Variants in EIF4G3 observed in about 807,000 individuals in gnomAD.
EIF4G3 encodes eIF-4-gamma 3.
A neutral mutation model predicts 186.4 loss-of-function variants in EIF4G3; 34 were observed. That is an observed-to-expected ratio of 0.18 (90% CI 0.14 to 0.24). EIF4G3 has a LOEUF of 0.24. Among genes scored for constraint, EIF4G3 ranks in the 10% least tolerant of loss-of-function variants. The probability of loss-of-function intolerance (pLI) is 1.00; values close to 1 mark genes in which losing one functional copy is unlikely to be tolerated. For missense variants in EIF4G3, 1,536 were observed against 1,948.5 expected, an observed-to-expected ratio of 0.79 and a Z score of 3.99; for synonymous variants, 673 against 679.5, an observed-to-expected ratio of 0.99 and a Z score of 0.15.
intron 7 of EIF4G3, among the ~76,000 whole-genome samples, chr1:20,994,628 C>CTTTTTTT (rs3081939): frequency 4.3e-4 from 54 of 124,452 alleles, no homozygotes; most frequent in African/African-American, 6.0e-4. Context: ...AACATATATA[C>CTTTTTTT]TTTTTTTTTT....
chr1:20,930,843 C>T (rs1253953182), intron 14 of EIF4G3, among the ~76,000 whole-genome samples: 2 of 152,138 alleles, frequency 1.3e-5, no homozygotes, highest in East Asian at 3.9e-4. Context: ...ATATATTAAC[C>T]TCCTTGTCCC....
At chr1:20,864,434 C>G in intron 22 of EIF4G3, 42 bp downstream of exon 22, 1 of 1,441,548 alleles carries the variant, frequency 6.9e-7, no homozygotes. Flanking sequence ...TTGCAACTGA[C>G]AAGGAGCCTT....
chr1:20,942,391 G>A, intron 13 of EIF4G3, 61 bp from the exon 14 acceptor site: 1 of 1,487,064 alleles, frequency 6.7e-7, no homozygotes, highest in Non-Finnish European at 9.0e-7. Flanking sequence ...ATATTGCCTT[G>A]GGCCAATTCT....
intron 32 of EIF4G3, 33 bp downstream of exon 32, chr1:20,827,584 A>C (rs2063957456): frequency 7.3e-7 from 1 of 1,369,838 alleles, no homozygotes; most frequent in Non-Finnish European, 1.0e-6. Flanking sequence ...TCCTAATAAT[A>C]CTGTTGAGTC....
intron 3 of EIF4G3, among the ~76,000 whole-genome samples, chr1:21,086,857 T>C (rs1031545537): frequency 6.6e-6 from 1 of 151,636 alleles, no homozygotes; most frequent in Non-Finnish European, 1.5e-5. Flanking sequence ...GGAGAATCAC[T>C]TGAACCAGGA....
chr1:21,028,686 A>G (rs967204962), intron 4 of EIF4G3, among the ~76,000 whole-genome samples: 4 of 152,236 alleles, frequency 2.6e-5, no homozygotes, highest in African/African-American at 9.6e-5. Context: ...GACAAGGTGA[A>G]GCAGAGCTAC....
At chr1:20,908,274 T>C (rs1193892100) in intron 14 of EIF4G3, among the ~76,000 whole-genome samples, 1 of 152,230 alleles carries the variant, frequency 6.6e-6, no homozygotes, top group Non-Finnish European at 1.5e-5. Context: ...GAGTTCATTG[T>C]AGATTCTGGA....
chr1:20,951,442 C>G (rs1239806280), intron 12 of EIF4G3, among the ~76,000 whole-genome samples: 1 of 152,000 alleles, frequency 6.6e-6, no homozygotes, highest in East Asian at 1.9e-4. Flanking sequence ...TGGAGAGTTA[C>G]TGTTTTCACG....
At chr1:20,885,399 A>G (rs539765967) in intron 19 of EIF4G3, among the ~76,000 whole-genome samples, 103 of 152,338 alleles carry the variant, frequency 6.8e-4, no homozygotes, top group African/African-American at 2.3e-3. Flanking sequence ...GAGATTAAGA[A>G]CCTGCCTAAC....
In EIF4G3 at chr1:20,855,077, A is replaced by G. The variant is rs372199584; in HGVS notation, c.3340-6T>C. Reference sequence around the variant, plus strand: ...ATTTTTTCATCAATTGTAGGCTGTAACATAAGGGACCACAAGTCAATTATA... The same window carrying G: ...ATTTTTTCATCAATTGTAGGCTGTAGCATAAGGGACCACAAGTCAATTATA... On this transcript the variant is annotated splice_region_variant and splice_polypyrimidine_tract_variant and intron_variant, in intron 25 of 36. Coordinates refer to ENST00000602326, the MANE Select transcript of EIF4G3 (RefSeq NM_001391906.1). 1.5e-5 allele frequency: 24 copies of G among 1,588,880 alleles called. No individual in the cohort carries two copies. In the African/African-American group the frequency reaches 3.2e-4, roughly 21 times the overall value.
chr1:21,081,141 T>C (rs541990358), intron 3 of EIF4G3, among the ~76,000 whole-genome samples: 1 of 152,262 alleles, frequency 6.6e-6, no homozygotes, highest in Admixed American at 6.5e-5. Context: ...CTTTTAAAAA[T>C]ATGTACTTGG....
chr1:21,003,711 C>A, intron 4 of EIF4G3: 1 of 397,816 alleles, frequency 2.5e-6, no homozygotes. Flanking sequence ...ATATCTCAGG[C>A]TGATCACTCC....
chr1:20,944,109 A>G (rs1024294460), intron 13 of EIF4G3, among the ~76,000 whole-genome samples: 1 of 151,752 alleles, frequency 6.6e-6, no homozygotes, highest in Non-Finnish European at 1.5e-5. Context: ...TTTGATGAAA[A>G]TAATTTCCAG....
intron 3 of EIF4G3, among the ~76,000 whole-genome samples, chr1:21,067,547 G>C (rs537779165): frequency 6.6e-6 from 1 of 152,266 alleles, no homozygotes; most frequent in Admixed American, 6.5e-5. Context: ...TCAGCAAGCA[G>C]ATACCATGAT....
chr1:20,926,942 C>T lies in EIF4G3; in HGVS notation c.1663+14549G>A, dbSNP rs191885704. 3.5e-3 allele frequency among the ~76,000 whole-genome samples: 529 copies of T among 151,738 alleles called. 2 individuals are homozygous for T. Among genetic ancestry groups the T allele is most frequent in the Admixed American group, 6.6e-3 (100 of 15,238 alleles). ...TACACATATCAATATGCATAAAGTA[C>T]TACGAGTATTTTAAATTGACATAAT... is the stretch of plus-strand genomic sequence containing the variant. On this transcript the variant is annotated intron_variant, in intron 14 of 36. Coordinates refer to ENST00000602326, the MANE Select transcript of EIF4G3 (RefSeq NM_001391906.1).
intron 3 of EIF4G3, among the ~76,000 whole-genome samples, chr1:21,075,570 CAAAAAAAAAAAAAAAAAAAA>C (rs55649192): frequency 7.8e-5 from 4 of 51,558 alleles, no homozygotes; most frequent in Admixed American, 2.9e-4. Flanking sequence ...CTCCAACTCA[CAAAAAAAAAAAAAAAAAAAA>C]AAAAAAAAAA....
intron 29 of EIF4G3, 116 bp from the exon 30 acceptor site, chr1:20,841,144 G>T: frequency 2.0e-6 from 2 of 1,004,048 alleles, no homozygotes; most frequent in Non-Finnish European, 2.9e-6. Flanking sequence ...CCATGAACAG[G>T]ACAGTTTTCA....
At chr1:21,051,533 G>A (rs537152273) in intron 3 of EIF4G3, among the ~76,000 whole-genome samples, 3 of 152,008 alleles carry the variant, frequency 2.0e-5, no homozygotes, top group East Asian at 1.9e-4. Flanking sequence ...TTACTTATAC[G>A]ACATAATCTC....
chr1:20,996,341 A>T (rs2082282085), intron 7 of EIF4G3, among the ~76,000 whole-genome samples: 1 of 152,298 alleles, frequency 6.6e-6, no homozygotes, highest in East Asian at 1.9e-4. Flanking sequence ...CCAAGCTCTT[A>T]AAGTATTAAT....
Sources: gnomAD v4.1 joint callset for allele counts (sites outside exome capture counted in the v4.1 genomes callset) on GRCh38, gnomAD v4.1.1 for gene constraint, MANE v1.5 for transcripts, NCBI Gene and HGNC (gene_info 2026-07-23, HGNC 2026-07-21) for gene names.